PCDH15: variants seen among roughly 807,000 people sequenced by gnomAD.
The protein encoded by PCDH15 is protocadherin related 15.
A neutral mutation model predicts 178.5 loss-of-function variants in PCDH15; 129 were observed. That is an observed-to-expected ratio of 0.72 (90% confidence interval 0.63 to 0.84). The LOEUF (loss-of-function observed/expected upper bound fraction) is 0.84, where lower values mean the gene tolerates loss of function less well. Ranked by LOEUF, PCDH15 falls within the 40% of genes least tolerant of loss-of-function variation. PCDH15 has a pLI of 0.00. For missense variants in PCDH15, 2,230 were observed against 2,099.9 expected (o/e 1.06, Z -1.21); for synonymous variants, 800 against 732.0 (o/e 1.09, Z -1.50).
intron 2 of PCDH15, among the ~76,000 whole-genome samples, chr10:55,408,899 A>G (rs1348510381): frequency 1.3e-5 from 2 of 152,170 alleles, no homozygotes; most frequent in African/African-American, 4.8e-5. Context: ...TTGTTAATCT[A>G]TAAGAAATAT....
At chr10:54,981,910 G>C (rs1839241934) in intron 2 of PCDH15, among the ~76,000 whole-genome samples, 2 of 151,534 alleles carry the variant, frequency 1.3e-5, no homozygotes, top group African/African-American at 4.8e-5. Context: ...TGAGTAGCTA[G>C]AACTCTTGGT....
At chr10:55,166,282 T>A (rs1839194726) in intron 2 of PCDH15, among the ~76,000 whole-genome samples, 1 of 152,156 alleles carries the variant, frequency 6.6e-6, no homozygotes. Context: ...CAATGAAGAA[T>A]AATAAATCTA....
intron 2 of PCDH15, among the ~76,000 whole-genome samples, chr10:54,573,306 T>A (rs2090060352): frequency 1.3e-5 from 2 of 152,140 alleles, no homozygotes; most frequent in Admixed American, 1.3e-4. Context: ...TTTTCATAAT[T>A]TTAATAAAAA....
At chr10:55,141,249 TA>T (rs1213785313) in intron 2 of PCDH15, among the ~76,000 whole-genome samples, 1 of 152,082 alleles carries the variant, frequency 6.6e-6, no homozygotes, top group Non-Finnish European at 1.5e-5. Flanking sequence ...TTCTCATCTT[TA>T]TAACTTTTTC....
chr10:55,210,941 T>A (rs890522522), intron 1 of PCDH15, among the ~76,000 whole-genome samples: 15 of 152,010 alleles, frequency 9.9e-5, no homozygotes, highest in African/African-American at 3.6e-4. Flanking sequence ...ATTCTTTTAA[T>A]AACTGACTGT....
chr10:54,015,835 C>A (rs2092723468), intron 20 of PCDH15, among the ~76,000 whole-genome samples: 1 of 151,764 alleles, frequency 6.6e-6, no homozygotes, highest in African/African-American at 2.4e-5. Flanking sequence ...GGACATAAGC[C>A]CTGGCAAAGA....
chr10:54,714,789 C>A (rs922121213), intron 1 of PCDH15, among the ~76,000 whole-genome samples: 30 of 152,072 alleles, frequency 2.0e-4, no homozygotes, highest in African/African-American at 7.2e-4. Context: ...CAAACTATAA[C>A]CTTTTGAGGT....
At chr10:54,843,361 G>A (rs184585129) in intron 3 of PCDH15, among the ~76,000 whole-genome samples, 9 of 151,976 alleles carry the variant, frequency 5.9e-5, no homozygotes, top group Non-Finnish European at 1.0e-4. Context: ...CCAGACTTCT[G>A]GGTCAGAATA....
At chr10:54,098,193 T>C (rs1255750516) in intron 15 of PCDH15, among the ~76,000 whole-genome samples, 1 of 9,230 alleles carries the variant, frequency 1.1e-4, no homozygotes, top group Non-Finnish European at 2.2e-4. Context: ...AATAAAGTTG[T>C]GTGTGTGTGT....
intron 23 of PCDH15, among the ~76,000 whole-genome samples, chr10:53,949,338 A>T (rs2134162244): frequency 6.6e-6 from 1 of 152,366 alleles, no homozygotes; most frequent in African/African-American, 2.4e-5. Flanking sequence ...AATCTAAATT[A>T]AAATAGAAAA....
At chr10:54,649,289 C>A (rs2094202144) in intron 2 of PCDH15, among the ~76,000 whole-genome samples, 2 of 152,130 alleles carry the variant, frequency 1.3e-5, no homozygotes, top group South Asian at 4.1e-4. Flanking sequence ...GGGATAAATA[C>A]TAATTTGATC....
chr10:54,344,545 C>A (rs1171828005), intron 6 of PCDH15, among the ~76,000 whole-genome samples: 1 of 151,952 alleles, frequency 6.6e-6, no homozygotes, highest in Admixed American at 6.6e-5. Context: ...AAAACATGGA[C>A]TAGTCATTTG....
chr10:55,237,521 A>G (rs571497958), intron 1 of PCDH15, among the ~76,000 whole-genome samples: 1 of 152,270 alleles, frequency 6.6e-6, no homozygotes, highest in African/African-American at 2.4e-5. Flanking sequence ...TACTGTTAGT[A>G]GGAGAGATTT....
intron 26 of PCDH15, among the ~76,000 whole-genome samples, chr10:53,884,098 C>G (rs1413759153): frequency 6.6e-6 from 1 of 152,186 alleles, no homozygotes; most frequent in Non-Finnish European, 1.5e-5. Context: ...TAGCACTGCT[C>G]AATCTGTCTT....
intron 8 of PCDH15, among the ~76,000 whole-genome samples, chr10:54,295,563 C>T (rs925710331): frequency 3.9e-4 from 59 of 152,260 alleles, no homozygotes; most frequent in Middle Eastern, 6.8e-3. Context: ...AGTGAGACTA[C>T]AAACCCACTG....
At chr10:54,558,734 C>T (rs1241952450) in intron 2 of PCDH15, among the ~76,000 whole-genome samples, 1 of 151,956 alleles carries the variant, frequency 6.6e-6, no homozygotes, top group African/African-American at 2.4e-5. Flanking sequence ...GGTATTTCTC[C>T]ATCATTTACT....
At chr10:55,308,634 A>G (rs1297623769) in intron 1 of PCDH15, among the ~76,000 whole-genome samples, 2 of 152,134 alleles carry the variant, frequency 1.3e-5, no homozygotes, top group African/African-American at 4.8e-5. Context: ...AAATATACTT[A>G]TATCTTAGGT....
chr10:53,988,951 C>T (rs1417039562), intron 21 of PCDH15, among the ~76,000 whole-genome samples: 3 of 152,042 alleles, frequency 2.0e-5, no homozygotes, highest in South Asian at 2.1e-4. Flanking sequence ...AAAGAAAATT[C>T]GGAGAGACTT....
chr10:54,071,511 C>T (rs924639960), intron 17 of PCDH15, among the ~76,000 whole-genome samples: 1 of 152,038 alleles, frequency 6.6e-6, no homozygotes, highest in African/African-American at 2.4e-5. Flanking sequence ...TCTTTTGACA[C>T]AAAATTTGTT....
Sources: gnomAD v4.1 joint callset for allele counts (sites outside exome capture counted in the v4.1 genomes callset) on GRCh38, gnomAD v4.1.1 for gene constraint, MANE v1.5 for transcripts, NCBI Gene and HGNC (gene_info 2026-07-23, HGNC 2026-07-21) for gene names.